ADAMTSL3: variants seen among roughly 807,000 people sequenced by gnomAD.
ADAMTSL3 encodes ADAMTS like 3.
ADAMTSL3 carries 128 observed loss-of-function variants against 201.7 expected under a neutral mutation model. That is an observed-to-expected ratio of 0.63 (90% CI 0.55 to 0.73). The LOEUF (loss-of-function observed/expected upper bound fraction) is 0.73. Among genes scored for constraint, ADAMTSL3 ranks in the 30% least tolerant of loss-of-function variants. ADAMTSL3 has a pLI of 0.00. For synonymous variants in ADAMTSL3, 738 were observed against 748.4 expected (o/e 0.99, Z 0.23); for missense variants, 1,990 against 2,119.6 (o/e 0.94, Z 1.20).
At position 83,942,888 on chromosome 15, in the gene ADAMTSL3, C is replaced by T. The variant is rs762071401; in HGVS notation, c.2311-15C>T. On this transcript the variant is annotated splice_polypyrimidine_tract_variant and intron_variant, in intron 18 of 29. Transcript: ENST00000286744. Reference sequence around the variant, plus strand: ...TGGGCCAAGCCTGCCGCCTCACCCCCTCTTGTCTTCTTAGTGTTCCAGGAC... The same window carrying T: ...TGGGCCAAGCCTGCCGCCTCACCCCTTCTTGTCTTCTTAGTGTTCCAGGAC... 2 of 1,609,576 alleles carry T rather than the reference C, an allele frequency of 1.2e-6. No individual in the cohort carries two copies. Among genetic ancestry groups the T allele is most frequent in the African/African-American group, 1.3e-5 (1 of 74,896 alleles).
chr15:83,718,632 C>T (rs1004213972), intron 3 of ADAMTSL3, among the ~76,000 whole-genome samples: 9 of 149,720 alleles, frequency 6.0e-5, no homozygotes, highest in East Asian at 2.0e-4. Flanking sequence ...CAGAGGTTGC[C>T]GCGAGCTGAG....
At chr15:83,739,462 A>G (rs2062420329) in intron 3 of ADAMTSL3, among the ~76,000 whole-genome samples, 1 of 150,798 alleles carries the variant, frequency 6.6e-6, no homozygotes. Flanking sequence ...TCACAAAATA[A>G]TTTAAAATAG....
chr15:84,018,588 G>GA (rs1473082914), intron 25 of ADAMTSL3, among the ~76,000 whole-genome samples: 1 of 152,136 alleles, frequency 6.6e-6, no homozygotes, highest in Non-Finnish European at 1.5e-5. Flanking sequence ...CATTTGTGCA[G>GA]AAAAATGAGA....
At chr15:83,680,555 T>A (rs1225335064) in intron 2 of ADAMTSL3, among the ~76,000 whole-genome samples, 4 of 151,334 alleles carry the variant, frequency 2.6e-5, no homozygotes, top group Non-Finnish European at 4.4e-5. Flanking sequence ...TTCTAGTATG[T>A]CTTTAAATAT....
intron 8 of ADAMTSL3, chr15:83,862,651 G>A (rs948485070): frequency 2.0e-5 from 3 of 152,190 alleles, no homozygotes; most frequent in African/African-American, 7.2e-5. Flanking sequence ...ACTGGTACCA[G>A]CCACTGCAAA....
At chr15:83,894,810 C>A (rs1203750163) in intron 13 of ADAMTSL3, among the ~76,000 whole-genome samples, 1 of 136,072 alleles carries the variant, frequency 7.3e-6, no homozygotes, top group Non-Finnish European at 1.5e-5. Flanking sequence ...AATACACAGT[C>A]AAAATAACAT....
chr15:83,994,101 A>G (rs972099202), intron 23 of ADAMTSL3, among the ~76,000 whole-genome samples: 1 of 152,246 alleles, frequency 6.6e-6, no homozygotes, highest in African/African-American at 2.4e-5. Flanking sequence ...GGTGATTCCC[A>G]AATGAAGGGC....
chr15:83,744,897 A>C (rs1212058808), intron 3 of ADAMTSL3, among the ~76,000 whole-genome samples: 2 of 152,192 alleles, frequency 1.3e-5, no homozygotes, highest in Admixed American at 1.3e-4. Flanking sequence ...GACAGGAAGC[A>C]GGGAAACTCT....
At chr15:83,826,047 A>G (rs111459903) in intron 6 of ADAMTSL3, among the ~76,000 whole-genome samples, 89 of 152,348 alleles carry the variant, frequency 5.8e-4, no homozygotes, top group African/African-American at 2.1e-3. Flanking sequence ...TGGGATAACA[A>G]GAGCTTAAAA....
intron 17 of ADAMTSL3, among the ~76,000 whole-genome samples, chr15:83,930,324 G>C (rs2066333609): frequency 6.6e-6 from 1 of 152,184 alleles, no homozygotes; most frequent in Admixed American, 6.5e-5. Context: ...CCATACCTGA[G>C]TAGTGTGACG....
intron 3 of ADAMTSL3, among the ~76,000 whole-genome samples, chr15:83,714,064 G>A (rs1424881229): frequency 6.6e-6 from 1 of 152,202 alleles, no homozygotes; most frequent in Non-Finnish European, 1.5e-5. Flanking sequence ...TATCTTGAAA[G>A]TATCTGTTGT....
intron 14 of ADAMTSL3, among the ~76,000 whole-genome samples, chr15:83,899,399 A>G (rs2065679104): frequency 7.4e-6 from 1 of 135,430 alleles, no homozygotes; most frequent in African/African-American, 3.0e-5. Flanking sequence ...GTTAACTTTG[A>G]CAGCATTTTC....
At chr15:83,724,961 G>A (rs1301338556) in intron 3 of ADAMTSL3, among the ~76,000 whole-genome samples, 4 of 151,728 alleles carry the variant, frequency 2.6e-5, no homozygotes, top group Non-Finnish European at 5.9e-5. Flanking sequence ...ATCTGTTCAT[G>A]GACCCTTATG....
chr15:83,765,672 C>T, intron 3 of ADAMTSL3, among the ~76,000 whole-genome samples: 1 of 152,092 alleles, frequency 6.6e-6, no homozygotes. Context: ...CTTTTACCAA[C>T]CCTATTATAT....
At chr15:84,033,143 TCGTATCTCAC>T (rs1567315407) in intron 28 of ADAMTSL3, among the ~76,000 whole-genome samples, 1 of 152,096 alleles carries the variant, frequency 6.6e-6, no homozygotes, top group Non-Finnish European at 1.5e-5. Flanking sequence ...CAAACCACCA[TCGTATCTCAC>T]CTGGTATACT....
intron 3 of ADAMTSL3, among the ~76,000 whole-genome samples, chr15:83,763,953 A>C (rs1396792601): frequency 6.6e-6 from 1 of 152,188 alleles, no homozygotes; most frequent in Non-Finnish European, 1.5e-5. Context: ...CATTCTGTAC[A>C]CACAGGTGCT....
intron 20 of ADAMTSL3, among the ~76,000 whole-genome samples, chr15:83,971,015 C>A (rs868716208): frequency 2.6e-5 from 4 of 152,082 alleles, no homozygotes; most frequent in Admixed American, 6.6e-5. Context: ...AGAAGAGCTA[C>A]GTATTTTTAA....
intron 19 of ADAMTSL3, among the ~76,000 whole-genome samples, chr15:83,956,091 G>A (rs1343951410): frequency 6.6e-6 from 1 of 152,122 alleles, no homozygotes; most frequent in Non-Finnish European, 1.5e-5. Context: ...TCAGGCTCCG[G>A]CCACTGGAAT....
At chr15:83,739,883 G>A in intron 3 of ADAMTSL3, 2 of 593,498 alleles carry the variant, frequency 3.4e-6, no homozygotes, top group Admixed American at 3.7e-5. Context: ...CCTGCCTGAC[G>A]ACCAGATGCC....
Sources: gnomAD v4.1 joint callset for allele counts (sites outside exome capture counted in the v4.1 genomes callset) on GRCh38, gnomAD v4.1.1 for gene constraint, MANE v1.5 for transcripts, NCBI Gene and HGNC (gene_info 2026-07-23, HGNC 2026-07-21) for gene names.